Variants in RBAK observed in about 807,000 individuals in gnomAD.
RBAK encodes the protein RB associated KRAB zinc finger, also known as RB-associated KRAB zinc finger protein.
Under a neutral mutation model 65.8 loss-of-function variants are expected in RBAK, and 39 were observed. That is an observed-to-expected ratio of 0.59 (90% CI 0.46 to 0.77). RBAK has a LOEUF of 0.77. RBAK is among the 30% of genes least tolerant of loss of function. The pLI is 0.00. For missense variants in RBAK, 884 were observed against 855.1 expected, an observed-to-expected ratio of 1.03 and a Z score of -0.42; for synonymous variants, 343 against 289.7, an observed-to-expected ratio of 1.18 and a Z score of -1.87.
intron 4 of RBAK, among the ~76,000 whole-genome samples, chr7:5,061,874 G>A (rs1369375332): frequency 6.6e-6 from 1 of 151,624 alleles, no homozygotes; most frequent in Non-Finnish European, 1.5e-5. Flanking sequence ...TTCCAGCCTG[G>A]GTGATAGAGC....
At chr7:5,054,937 A>AT (rs924337258) in intron 2 of RBAK, among the ~76,000 whole-genome samples, 1 of 149,978 alleles carries the variant, frequency 6.7e-6, no homozygotes, top group Non-Finnish European at 1.5e-5. Context: ...AATACAACTA[A>AT]TTTTTTTTGT....
Position 5,064,221 on chromosome 7 carries a change from A to G in RBAK, c.765A>G (p.Gln255=). The change falls in exon 5 of 5, where the codon CAA becomes CAG. Residue 255 remains glutamine, a synonymous_variant. Coordinates refer to ENST00000396912, the MANE Select transcript of RBAK (RefSeq NM_021163.4). The surrounding 1 kb of genome is among the most constrained non-coding windows in gnomAD (Gnocchi z 6.3). ...MSNFNAYQRS[Q]MEMKPFECSE... is the part of the protein sequence containing the mutation. ...ATTTTAATGCATATCAGAGATCACA[A>G]ATGGAAATGAAGCCCTTTGAATGCA... is the stretch of plus-strand genomic sequence containing the variant. The G allele has an allele frequency of 1.2e-6, 2 of 1,614,028 alleles. No individual in the cohort carries two copies. Among genetic ancestry groups the G allele is most frequent in the African/African-American group, 2.7e-5 (2 of 75,046 alleles).
At chr7:5,059,916 GGATTATATATTCAAA>G (rs1040374922) in intron 4 of RBAK, among the ~76,000 whole-genome samples, 1 of 151,864 alleles carries the variant, frequency 6.6e-6, no homozygotes, top group African/African-American at 2.4e-5. Flanking sequence ...AACTCTGATG[GGATTATATATTCAAA>G]GATTATATGT....
chr7:5,056,509 C>T (rs1268475392), intron 2 of RBAK, among the ~76,000 whole-genome samples: 1 of 152,140 alleles, frequency 6.6e-6, no homozygotes, highest in Non-Finnish European at 1.5e-5. Flanking sequence ...CCATAGAATG[C>T]ACAATTCATC....
chr7:5,051,095 C>CT lies in RBAK; in HGVS notation c.15+3007dup, dbSNP rs1303216893. Among the ~76,000 whole-genome samples, 3 of 152,108 alleles carry CT rather than the reference C, an allele frequency of 2.0e-5. No individual in the cohort carries two copies. The South Asian group carries it at 6.2e-4, about 31-fold the overall frequency. On this transcript the variant is annotated intron_variant, in intron 2 of 4. Coordinates refer to ENST00000396912, the MANE Select transcript of RBAK (RefSeq NM_021163.4). Reference sequence around the variant, plus strand: ...CTCCATCTTTGGCCAGACAAAATCCCTTTAAGTTGGTTTCTGAGTCCTTTT... The same window carrying CT: ...CTCCATCTTTGGCCAGACAAAATCCCTTTTAAGTTGGTTTCTGAGTCCTTTT...
At chr7:5,057,913 A>G in intron 4 of RBAK, 134 bp downstream of exon 4, 1 of 829,862 alleles carries the variant, frequency 1.2e-6, no homozygotes, top group Non-Finnish European at 1.9e-6. Context: ...CTTCCCGCAC[A>G]CATACATGAA....
chr7:5,062,974 C>G (rs145405280), intron 4 of RBAK, among the ~76,000 whole-genome samples: 1 of 152,268 alleles, frequency 6.6e-6, no homozygotes, highest in East Asian at 1.9e-4. Context: ...TTCAAACACA[C>G]GTGCTCTACA....
In RBAK at chr7:5,064,572, C is replaced by T; in HGVS notation, c.1116C>T (p.Pro372=). ...LHQRNHSGER[P]YPCNECGKSF... ...AGAGGAATCATTCAGGAGAGAGGCC[C>T]TATCCATGTAACGAATGTGGGAAAT... Residue 372 remains proline, a synonymous_variant, in exon 5 of 5, where the codon CCC becomes CCT. Coordinates refer to ENST00000396912, the MANE Select transcript of RBAK (RefSeq NM_021163.4). The surrounding 1 kb of genome is among the most constrained non-coding windows in gnomAD (Gnocchi z 6.3). 1 of 1,614,022 alleles carries T rather than the reference C, an allele frequency of 6.2e-7. No individual in the cohort carries two copies. The highest frequency in any genetic ancestry group is 2.2e-5 in the East Asian group (1 of 44,874).
rs1779180221 is a variant in RBAK, at chr7:5,064,975, G to A, written c.1519G>A (p.Glu507Lys). Residue 507 changes from glutamate to lysine, a missense_variant, in exon 5 of 5, where the codon GAA (glutamate) becomes AAA (lysine). Glu to Lys is a moderately conservative substitution (Grantham distance 56). Coordinates refer to ENST00000396912, the MANE Select transcript of RBAK (RefSeq NM_021163.4). The surrounding 1 kb of genome is among the most constrained non-coding windows in gnomAD (Gnocchi z 6.3). Reference protein sequence around the residue: ...YLTDHHTAHLEEKPYECNECG... With the variant: ...YLTDHHTAHLKEKPYECNECG... The stretch of plus-strand genomic sequence containing the variant: ...CACCGACCATCATACAGCTCATTTA[G>A]AAGAGAAACCCTATGAATGTAATGA... 1.2e-6 allele frequency: 2 copies of A among 1,614,122 alleles called. No homozygotes were observed. Among genetic ancestry groups the A allele is most frequent in the African/African-American group, 1.3e-5 (1 of 75,044 alleles).
Position 5,063,691 on chromosome 7 carries a change from T to C in RBAK, c.239-4T>C, listed in dbSNP as rs771703038. 12 of 1,578,078 alleles carry C rather than the reference T, an allele frequency of 7.6e-6. No homozygotes were observed. The South Asian group carries it at 1.3e-4, about 17-fold the overall frequency. ...AAAGTTTGTTTACTATTTTTCCTTTTTAGAAGCCTGGAGAGTTGATGACCT... is the reference window on the plus strand; with the variant it reads ...AAAGTTTGTTTACTATTTTTCCTTTCTAGAAGCCTGGAGAGTTGATGACCT... On this transcript the variant is annotated splice_polypyrimidine_tract_variant and splice_region_variant and intron_variant, in intron 4 of 4. Transcript: ENST00000396912.
chr7:5,058,735 A>C (rs1175555222), intron 4 of RBAK, among the ~76,000 whole-genome samples: 2 of 152,212 alleles, frequency 1.3e-5, no homozygotes, highest in Non-Finnish European at 2.9e-5. Flanking sequence ...CATAGTAGAC[A>C]TTCAGGAAGT....
chr7:5,064,181 T>A lies in RBAK; in HGVS notation c.725T>A (p.Phe242Tyr), dbSNP rs138282282. 1.9e-6 allele frequency: 3 copies of A among 1,613,864 alleles called. No homozygotes were observed. The African/African-American group carries it at 4.0e-5, about 22-fold the overall frequency. Reference sequence around the variant, plus strand: ...GAGTGGAATGATTCTGGACCAGACTTCATACAGATGTCAAATTTTAATGCA... The same window carrying A: ...GAGTGGAATGATTCTGGACCAGACTACATACAGATGTCAAATTTTAATGCA... ...PYEWNDSGPD[F>Y]IQMSNFNAYQ... is the part of the protein sequence containing the mutation. The change falls in exon 5 of 5, where the codon TTC becomes TAC. Residue 242 changes from phenylalanine (F) to tyrosine (Y), a missense_variant. Physicochemically the swap from Phe to Tyr is conservative, Grantham distance 22. Transcript: ENST00000396912. This position sits in a 1 kb window ranked among gnomAD's most constrained non-coding sequence, Gnocchi z 6.3.
Position 5,065,331 on chromosome 7 carries a change from T to C in RBAK, c.1875T>C (p.Cys625=), listed in dbSNP as rs145126393. Reference sequence around the variant, plus strand: ...ATTCAGGAGAGAAACCCTATGAATGTAGTAAATGTGGAAAAGTCTTCTCTC... The same window carrying C: ...ATTCAGGAGAGAAACCCTATGAATGCAGTAAATGTGGAAAAGTCTTCTCTC... ...RIHSGEKPYE[C]SKCGKVFSRM... The change falls in exon 5 of 5, where the codon TGT becomes TGC. Residue 625 remains cysteine, a synonymous_variant. Coordinates refer to ENST00000396912, the MANE Select transcript of RBAK (RefSeq NM_021163.4). The surrounding 1 kb of genome is among the most constrained non-coding windows in gnomAD (Gnocchi z 5.3). 27 of 1,613,734 alleles carry C rather than the reference T, an allele frequency of 1.7e-5. No homozygotes were observed. The highest frequency in any genetic ancestry group is 2.0e-5 in the Non-Finnish European group (24 of 1,179,866).
At chr7:5,060,999 C>T (rs1460316663) in intron 4 of RBAK, among the ~76,000 whole-genome samples, 1 of 152,066 alleles carries the variant, frequency 6.6e-6, no homozygotes. Flanking sequence ...CCAAATGAAA[C>T]CCAGGAGTTT....
rs141405990 is a variant in RBAK, at chr7:5,057,102, A to G, written c.16-193A>G. On this transcript the variant is annotated intron_variant, in intron 2 of 4. Transcript: ENST00000396912. ...TTATATATATTATATATATTTATATATATTATATATTTTATATATTATGTA... is the reference window on the plus strand; with the variant it reads ...TTATATATATTATATATATTTATATGTATTATATATTTTATATATTATGTA... The G allele has an allele frequency of 6.3e-4, 130 of 206,866 alleles. 1 individual carries two copies. The East Asian group carries it at 0.019, about 30-fold the overall frequency. 12.8% of individuals were successfully genotyped at this position (206,866 alleles called of 1,614,324 possible).
At position 5,065,465 on chromosome 7, in the gene RBAK, A is replaced by G. The variant is rs1445342566; in HGVS notation, c.2009A>G (p.Tyr670Cys). 6.8e-6 allele frequency: 11 copies of G among 1,606,774 alleles called. No individual in the cohort carries two copies. The highest frequency in any genetic ancestry group is 1.7e-5 in the Admixed American group (1 of 59,928). ...CAGAAGTCATACCTCACTGTACACT[A>G]TAGAACTCATTCAGGAGAGAAACCC... The part of the protein sequence containing the change: ...FSQKSYLTVH[Y>C]RTHSGEKPYE... The change falls in exon 5 of 5, where the codon TAT (tyrosine) becomes TGT (cysteine). Residue 670 changes from tyrosine to cysteine, a missense_variant. Physicochemically the swap from Tyr to Cys is radical, Grantham distance 194. Transcript: ENST00000396912. The surrounding 1 kb of genome is among the most constrained non-coding windows in gnomAD (Gnocchi z 5.3).
chr7:5,062,472 C>G (rs11975673), intron 4 of RBAK, among the ~76,000 whole-genome samples: 22,803 of 152,052 alleles, frequency 0.15, 1,861 homozygotes, highest in Non-Finnish European at 0.18. Flanking sequence ...ACATACTTCA[C>G]AAGGTAATAG....
At position 5,064,710 on chromosome 7, in the gene RBAK, A is replaced by G; in HGVS notation, c.1254A>G (p.Thr418=). ...ACTACCGAAAGTCTACTCTGATTAC[A>G]CATCAGAGAACACACACGGGAGAGA... ...KSYYRKSTLI[T]HQRTHTGEKP... Residue 418 remains threonine, a synonymous_variant, in exon 5 of 5, where the codon ACA becomes ACG. Transcript: ENST00000396912. This position sits in a 1 kb window ranked among gnomAD's most constrained non-coding sequence, Gnocchi z 6.3. 6.2e-7 allele frequency: 1 copy of G among 1,612,278 alleles called. No individual in the cohort carries two copies. Among genetic ancestry groups the G allele is most frequent in the Non-Finnish European group, 8.5e-7 (1 of 1,178,646 alleles).
intron 2 of RBAK, among the ~76,000 whole-genome samples, chr7:5,053,669 G>GT (rs1788163765): frequency 1.3e-5 from 2 of 152,034 alleles, no homozygotes; most frequent in South Asian, 4.2e-4. Flanking sequence ...TTTTTTCTCT[G>GT]TTTCATTTTA....
Sources: allele counts gnomAD v4.1 joint callset (sites outside exome capture counted in the v4.1 genomes callset), GRCh38; gene constraint gnomAD v4.1.1; non-coding constraint Gnocchi (gnomAD v3.1); transcripts MANE v1.5; gene names NCBI Gene and HGNC (gene_info 2026-07-23, HGNC 2026-07-21).